The following CHURC1 variants were observed in gnomAD, a reference collection of about 807,000 sequenced individuals.
CHURC1 encodes churchill domain containing 1, also known as protein Churchill.
CHURC1 carries 12 observed loss-of-function variants against 15.4 expected under a neutral mutation model. The ratio of observed to expected loss-of-function variants is 0.78; its 90% CI spans 0.50 to 1.27. CHURC1 has a LOEUF of 1.27. CHURC1 is among the 50% of genes most tolerant of loss of function. The pLI, the probability that CHURC1 is intolerant of heterozygous loss-of-function variation, is 0.00. For synonymous variants in CHURC1, 42 were observed against 47.5 expected (o/e 0.88, Z 0.48); for missense variants, 132 against 137.8 (o/e 0.96, Z 0.21).
intron 1 of CHURC1, among the ~76,000 whole-genome samples, chr14:64,919,180 A>G (rs4902335): frequency 0.26 from 40,179 of 152,104 alleles, 6,066 homozygotes; most frequent in African/African-American, 0.4. Flanking sequence ...ACATTTTCTA[A>G]AATTACTGAA....
chr14:64,932,253 T>C lies in CHURC1; in HGVS notation c.*23T>C, dbSNP rs773598743. The C allele has an allele frequency of 4.3e-6, 7 of 1,612,626 alleles. No homozygotes were observed. The highest frequency in any genetic ancestry group is 1.6e-4 in the Middle Eastern group (1 of 6,078). ...TAAGGATCCTTCTACAGATCTGTTA[T>C]AACTATATTGTGTTGGTTTACAATA... On this transcript the variant is annotated 3_prime_UTR_variant, in exon 4 of 4. Coordinates refer to ENST00000549115, the MANE Select transcript of CHURC1 (RefSeq NM_001386928.1).
At chr14:64,929,635 A>T (rs1197331755) in intron 3 of CHURC1, among the ~76,000 whole-genome samples, 1 of 152,218 alleles carries the variant, frequency 6.6e-6, no homozygotes. Context: ...AGAATAGTGT[A>T]CTAATGTACA....
intron 3 of CHURC1, 131 bp downstream of exon 3, chr14:64,926,211 C>CTT (rs3033502): frequency 0.15 from 28,879 of 187,108 alleles, 3,800 homozygotes; most frequent in African/African-American, 0.3. Flanking sequence ...GAGACTATGC[C>CTT]TTTTTTTTTT....
At position 64,934,841 on chromosome 14, in the gene CHURC1, C is replaced by T; in HGVS notation, c.*2611C>T. 1.0e-6 allele frequency: 1 copy of T among 984,978 alleles called. No homozygotes were observed. The highest frequency in any genetic ancestry group is 1.2e-6 in the Non-Finnish European group (1 of 829,614). The allele number at this position is 984,978 out of a possible 1,614,324, so 61.0% of individuals were successfully genotyped here. A position where few individuals can be genotyped will look rare whatever the true frequency, so the allele number is the denominator to read the frequency against. On this transcript the variant is annotated 3_prime_UTR_variant, in exon 4 of 4. Transcript: ENST00000549115. ...CATCTATTGCAGAATGTATAATTAT[C>T]TATTTGTTTTGGACTATATGTTACA...
At position 64,934,206 on chromosome 14, in the gene CHURC1, A is replaced by G. The variant is rs1349771979; in HGVS notation, c.*1976A>G. 5.3e-6 allele frequency: 2 copies of G among 380,224 alleles called. No individual in the cohort carries two copies. Among genetic ancestry groups the G allele is most frequent in the African/African-American group, 2.2e-5 (1 of 45,262 alleles). 23.6% of individuals were successfully genotyped at this position (380,224 alleles called of 1,614,324 possible). A position where few individuals can be genotyped will look rare whatever the true frequency, so the allele number is the denominator to read the frequency against. ...AAAAATACAAAAACAAAAATTAGCC[A>G]GGGGTGGTGGTATGCACCTGCAGTC... On this transcript the variant is annotated 3_prime_UTR_variant, in exon 4 of 4. Transcript: ENST00000549115.
At chr14:64,932,093 T>C in intron 3 of CHURC1, 45 bp from the exon 4 acceptor site, 1 of 1,590,986 alleles carries the variant, frequency 6.3e-7, no homozygotes, top group South Asian at 1.1e-5. Context: ...TAAAGCATCT[T>C]TTTCCCTGTT....
Position 64,914,553 on chromosome 14 carries a change from C to G in CHURC1, c.39+19C>G. The G allele has an allele frequency of 6.2e-7, 1 of 1,614,074 alleles. No individual in the cohort carries two copies. ...CAACCGGGTGAGCGACTGGGCGCTC[C>G]CTTGGCCCGCGGGCGGCCCCCGAGG... is the stretch of plus-strand genomic sequence containing the variant. On this transcript the variant is annotated intron_variant, in intron 1 of 3. Coordinates refer to ENST00000549115, the MANE Select transcript of CHURC1 (RefSeq NM_001386928.1).
At chr14:64,927,092 T>C (rs1396791689) in intron 3 of CHURC1, among the ~76,000 whole-genome samples, 2 of 152,228 alleles carry the variant, frequency 1.3e-5, no homozygotes, top group African/African-American at 4.8e-5. Context: ...ATTTGGATAG[T>C]ACTTAATTAG....
Position 64,914,521 on chromosome 14 carries a change from A to C in CHURC1, c.26A>C (p.Glu9Ala), listed in dbSNP as rs2139868576. 1 of 1,614,232 alleles carries C rather than the reference A, an allele frequency of 6.2e-7. No homozygotes were observed. The highest frequency in any genetic ancestry group is 1.3e-5 in the African/African-American group (1 of 75,058). Residue 9 changes from glutamate to alanine, a missense_variant, in exon 1 of 4, where the codon GAA becomes GCA. Transcript: ENST00000549115. ...ATGTGTGGCGACTGTGTGGAGAAGGAATATCCCAACCGGGTGAGCGACTGG... is the reference window on the plus strand; with the variant it reads ...ATGTGTGGCGACTGTGTGGAGAAGGCATATCCCAACCGGGTGAGCGACTGG... MCGDCVEK[E>A]YPNRGNTCLE...
chr14:64,934,621 A>G lies in CHURC1; in HGVS notation c.*2391A>G. 3 of 985,454 alleles carry G rather than the reference A, an allele frequency of 3.0e-6. No individual in the cohort carries two copies. Among genetic ancestry groups the G allele is most frequent in the Non-Finnish European group, 3.6e-6 (3 of 829,936 alleles). 61.0% of individuals were successfully genotyped at this position (985,454 alleles called of 1,614,324 possible). The stretch of plus-strand genomic sequence containing the variant: ...TGGAAAATGTTTTTCATTTTGCTGC[A>G]AATCTATATCTGACCTGCTGAGGAA... On this transcript the variant is annotated 3_prime_UTR_variant, in exon 4 of 4. Transcript: ENST00000549115.
In CHURC1 at chr14:64,933,220, C is replaced by T; in HGVS notation, c.*990C>T. ...AAACAAGGAAAATCTGAGACATGGT[C>T]ACAGCCAAGAGGAGCCTGAGAAGAC... On this transcript the variant is annotated 3_prime_UTR_variant, in exon 4 of 4. Transcript: ENST00000549115. 1 of 250,872 alleles carries T rather than the reference C, an allele frequency of 4.0e-6. No homozygotes were observed. Among genetic ancestry groups the T allele is most frequent in the Non-Finnish European group, 6.3e-6 (1 of 157,744 alleles). The allele number at this position is 250,872 out of a possible 1,614,324, so 15.5% of individuals were successfully genotyped here. A position where few individuals can be genotyped will look rare whatever the true frequency, so the allele number is the denominator to read the frequency against.
chr14:64,929,283 C>T (rs1025288707), intron 3 of CHURC1, among the ~76,000 whole-genome samples: 2 of 152,200 alleles, frequency 1.3e-5, no homozygotes, highest in African/African-American at 4.8e-5. Flanking sequence ...TTCCCTCTCT[C>T]TACCTTCAAG....
At chr14:64,926,323 G>A (rs534641671) in intron 3 of CHURC1, among the ~76,000 whole-genome samples, 17 of 149,686 alleles carry the variant, frequency 1.1e-4, no homozygotes, top group African/African-American at 4.0e-4. Context: ...TGGAATTACA[G>A]GCATGAGCCA....
At chr14:64,914,569 GC>G in intron 1 of CHURC1, 35 bp downstream of exon 1, 1 of 1,613,420 alleles carries the variant, frequency 6.2e-7, no homozygotes, top group Non-Finnish European at 8.5e-7. Flanking sequence ...CCCGCGGGCG[GC>G]CCCCGAGGTG....
chr14:64,926,368 CA>C (rs2139903550), intron 3 of CHURC1, among the ~76,000 whole-genome samples: 1 of 152,082 alleles, frequency 6.6e-6, no homozygotes, highest in East Asian at 1.9e-4. Context: ...TATATCTGTG[CA>C]AGTTGAGAGA....
rs371790496 is a variant in CHURC1 at position 64,919,840 on chromosome 14, C to T, written c.40-4151C>T. Reference sequence around the variant, plus strand: ...CGGAGGTTGCAGTGAGCCAAGATTGCGCCACAGCATTCCAGCCTGGGTGAC... The same window carrying T: ...CGGAGGTTGCAGTGAGCCAAGATTGTGCCACAGCATTCCAGCCTGGGTGAC... On this transcript the variant is annotated intron_variant, in intron 1 of 3. Coordinates refer to ENST00000549115, the MANE Select transcript of CHURC1 (RefSeq NM_001386928.1). Among the ~76,000 whole-genome samples the T allele has an allele frequency of 8.8e-4, 133 of 151,558 alleles. 3 individuals carry two copies. In the South Asian group the frequency reaches 0.02, roughly 23 times the overall value.
intron 1 of CHURC1, among the ~76,000 whole-genome samples, chr14:64,919,159 A>G (rs191226206): frequency 8.3e-4 from 127 of 152,328 alleles, no homozygotes; most frequent in African/African-American, 3.0e-3. Flanking sequence ...AGTCAGAACT[A>G]GAACTCTACT....
chr14:64,933,996 A>C lies in CHURC1; in HGVS notation c.*1766A>C. 1 of 985,302 alleles carries C rather than the reference A, an allele frequency of 1.0e-6. No individual in the cohort carries two copies. Among genetic ancestry groups the C allele is most frequent in the Non-Finnish European group, 1.2e-6 (1 of 829,862 alleles). 61.0% of individuals were successfully genotyped at this position (985,302 alleles called of 1,614,324 possible). A position where few individuals can be genotyped will look rare whatever the true frequency, so the allele number is the denominator to read the frequency against. ...TATCATGAAAAGGTTTATATTCACT[A>C]TTCTTTATTTCAGTGTAGCACTTTT... On this transcript the variant is annotated 3_prime_UTR_variant, in exon 4 of 4. Coordinates refer to ENST00000549115, the MANE Select transcript of CHURC1 (RefSeq NM_001386928.1).
chr14:64,917,488 G>C (rs1044994831), intron 1 of CHURC1, among the ~76,000 whole-genome samples: 2 of 151,344 alleles, frequency 1.3e-5, no homozygotes, highest in African/African-American at 4.9e-5. Flanking sequence ...GCTTGAACCT[G>C]GGAGGCAGAG....
Sources: gnomAD v4.1 joint callset for allele counts (sites outside exome capture counted in the v4.1 genomes callset) on GRCh38, gnomAD v4.1.1 for gene constraint, MANE v1.5 for transcripts, NCBI Gene and HGNC (gene_info 2026-07-23, HGNC 2026-07-21) for gene names.